PRKAG2: variants seen among roughly 807,000 people sequenced by gnomAD.
PRKAG2 encodes the protein 5'-AMP-activated protein kinase subunit gamma-2.
In PRKAG2, 26 loss-of-function variants were observed where a neutral mutation model predicts 69.6. The ratio of observed to expected loss-of-function variants is 0.37; its 90% CI spans 0.27 to 0.52. The LOEUF (loss-of-function observed/expected upper bound fraction) is 0.52, where lower values mean the gene tolerates loss of function less well. PRKAG2 is among the 20% of genes least tolerant of loss of function. PRKAG2 has a pLI of 0.90. For missense variants in PRKAG2, 557 were observed against 740.0 expected (o/e 0.75, Z 2.87); for synonymous variants, 293 against 285.0 (o/e 1.03, Z -0.28).
In PRKAG2 at chr7:151,782,042, C is replaced by T. The variant is rs558202555; in HGVS notation, c.187-611G>A. ...ATCCCAGCATTTTGGAAGGCCGAGG[C>T]GGGTGGATCAACTGAGGTCAGGAGT... On this transcript the variant is annotated intron_variant, in intron 2 of 15. Coordinates refer to ENST00000287878, the MANE Select transcript of PRKAG2 (RefSeq NM_016203.4). 9.9e-5 allele frequency among the ~76,000 whole-genome samples: 15 copies of T among 151,998 alleles called. No individual in the cohort carries two copies. In the East Asian group the frequency reaches 2.7e-3, roughly 27 times the overall value.
chr7:151,594,048 G>A (rs959932406), intron 6 of PRKAG2, among the ~76,000 whole-genome samples: 9 of 152,302 alleles, frequency 5.9e-5, no homozygotes, highest in African/African-American at 1.7e-4. Flanking sequence ...GGGTCCCTGG[G>A]GAGGTCTAAA....
intron 3 of PRKAG2, among the ~76,000 whole-genome samples, chr7:151,700,193 A>G (rs1450506551): frequency 6.6e-6 from 1 of 152,180 alleles, no homozygotes; most frequent in African/African-American, 2.4e-5. Flanking sequence ...CAGTGTTTTA[A>G]GTTGAGTGGC....
intron 4 of PRKAG2, among the ~76,000 whole-genome samples, chr7:151,666,310 C>A (rs897569381): frequency 6.6e-6 from 1 of 152,144 alleles, no homozygotes; most frequent in African/African-American, 2.4e-5. Flanking sequence ...TCCAATAGGA[C>A]TTGTGTCCTT....
chr7:151,711,030 AAGAGTGCTAGGCTTAGAGTACTG>A (rs1305543175), intron 3 of PRKAG2, among the ~76,000 whole-genome samples: 2 of 152,154 alleles, frequency 1.3e-5, no homozygotes, highest in Non-Finnish European at 1.5e-5. Context: ...TTAGAGTACT[AAGAGTGCTAGGCTTAGAGTACTG>A]AGAGTGCTAG....
chr7:151,658,363 T>C (rs1829808716), intron 4 of PRKAG2, among the ~76,000 whole-genome samples: 1 of 149,948 alleles, frequency 6.7e-6, no homozygotes, highest in African/African-American at 2.5e-5. Flanking sequence ...CGCGTGCCCG[T>C]AATCCCAGCT....
At chr7:151,818,095 G>A (rs1053194534) in intron 1 of PRKAG2, among the ~76,000 whole-genome samples, 2 of 152,192 alleles carry the variant, frequency 1.3e-5, no homozygotes, top group East Asian at 1.9e-4. Flanking sequence ...GTGCAGAAAT[G>A]GGATATTGTC....
At chr7:151,601,297 C>G (rs1005495158) in intron 5 of PRKAG2, among the ~76,000 whole-genome samples, 7 of 152,226 alleles carry the variant, frequency 4.6e-5, no homozygotes, top group Non-Finnish European at 1.0e-4. Flanking sequence ...CATTTTACTT[C>G]TGTCTCATCA....
chr7:151,581,762 A>G lies in PRKAG2; in HGVS notation c.865-5310T>C, dbSNP rs151124314. ...CCTCAGGCTTAAAAGAATGATACCAACAAAAGCAGGGGTTTAAGTTTAACA... is the reference window on the plus strand; with the variant it reads ...CCTCAGGCTTAAAAGAATGATACCAGCAAAAGCAGGGGTTTAAGTTTAACA... On this transcript the variant is annotated intron_variant, in intron 6 of 15. Transcript: ENST00000287878. Among the ~76,000 whole-genome samples the G allele has an allele frequency of 1.5e-3, 221 of 152,346 alleles. 1 individual carries two copies. Among genetic ancestry groups the G allele is most frequent in the African/African-American group, 5.2e-3 (216 of 41,578 alleles).
At chr7:151,582,957 C>A (rs1316212885) in intron 6 of PRKAG2, among the ~76,000 whole-genome samples, 1 of 152,202 alleles carries the variant, frequency 6.6e-6, no homozygotes, top group Non-Finnish European at 1.5e-5. Flanking sequence ...CACTAACAGC[C>A]AAGAAGAACA....
intron 1 of PRKAG2, among the ~76,000 whole-genome samples, chr7:151,796,271 GCT>G (rs1170737160): frequency 6.6e-6 from 1 of 152,092 alleles, no homozygotes; most frequent in Admixed American, 6.5e-5. Flanking sequence ...CCACACTGTG[GCT>G]CTCTGTCCAC....
rs1358749577 is a variant in PRKAG2, at chr7:151,632,526, A to C, written c.685-388T>G. ...TCCTCCCCGCCGTGCCGCCATTGGG[A>C]GAGGCCCGCGGCCCGCCCCCACTCC... On this transcript the variant is annotated intron_variant, in intron 4 of 15. Transcript: ENST00000287878. The surrounding 1 kb of genome is among the most constrained non-coding windows in gnomAD (Gnocchi z 4.2). 1.1e-6 allele frequency: 1 copy of C among 951,158 alleles called. No individual in the cohort carries two copies. Among genetic ancestry groups the C allele is most frequent in the Admixed American group, 6.2e-5 (1 of 16,020 alleles). The allele number at this position is 951,158 out of a possible 1,614,324, so 58.9% of individuals were successfully genotyped here. A position where few individuals can be genotyped will look rare whatever the true frequency, so the allele number is the denominator to read the frequency against.
chr7:151,834,392 A>G (rs571568340), intron 1 of PRKAG2, among the ~76,000 whole-genome samples: 2 of 152,372 alleles, frequency 1.3e-5, no homozygotes, highest in East Asian at 1.9e-4. Context: ...ACACTGAGTT[A>G]GCAAATGCTG....
At chr7:151,718,532 T>C (rs1796536727) in intron 3 of PRKAG2, among the ~76,000 whole-genome samples, 1 of 147,290 alleles carries the variant, frequency 6.8e-6, no homozygotes. Flanking sequence ...CCCCGCTCTG[T>C]AAGTCATGGT....
chr7:151,826,148 T>A (rs1233684359), intron 1 of PRKAG2, among the ~76,000 whole-genome samples: 1 of 151,428 alleles, frequency 6.6e-6, no homozygotes, highest in African/African-American at 2.4e-5. Context: ...TCTCTCTTTC[T>A]CCATCTCTCC....
At chr7:151,697,663 G>C (rs1200530835) in intron 3 of PRKAG2, among the ~76,000 whole-genome samples, 1 of 152,128 alleles carries the variant, frequency 6.6e-6, no homozygotes, top group Non-Finnish European at 1.5e-5. Flanking sequence ...CCTTAGCTGT[G>C]GGGGGCACAG....
Position 151,860,484 on chromosome 7 carries a change from G to A in PRKAG2, c.114+16023C>T, listed in dbSNP as rs138580240. Among the ~76,000 whole-genome samples the A allele has an allele frequency of 2.8e-4, 42 of 152,206 alleles. No homozygotes were observed. In the East Asian group the frequency reaches 6.0e-3, roughly 22 times the overall value. On this transcript the variant is annotated intron_variant, in intron 1 of 15. Transcript: ENST00000287878. ...TGCCATCTGTGGTGCCCAAGGCCTC[G>A]CCTGTGGAAGGGGGTGTGGGTTTCA... is the stretch of plus-strand genomic sequence containing the variant.
At chr7:151,675,380 G>A in intron 4 of PRKAG2, 40 bp downstream of exon 4, 1 of 1,583,300 alleles carries the variant, frequency 6.3e-7, no homozygotes, top group Admixed American at 1.7e-5. Flanking sequence ...CCCTCCCTCT[G>A]CCACCCGGCA....
At chr7:151,633,151 G>C (rs1825100835) in intron 4 of PRKAG2, 1 of 152,280 alleles carries the variant, frequency 6.6e-6, no homozygotes, top group Non-Finnish European at 1.5e-5. Context: ...AGCCGGGCCT[G>C]AAAGAGGAAG....
chr7:151,593,118 G>A (rs1363360285), intron 6 of PRKAG2, among the ~76,000 whole-genome samples: 1 of 152,178 alleles, frequency 6.6e-6, no homozygotes, highest in Non-Finnish European at 1.5e-5. Context: ...CTTTCTCTAG[G>A]GTTTAGCCAA....
Sources: allele counts gnomAD v4.1 joint callset (sites outside exome capture counted in the v4.1 genomes callset), GRCh38; gene constraint gnomAD v4.1.1; non-coding constraint Gnocchi (gnomAD v3.1); transcripts MANE v1.5; gene names NCBI Gene and HGNC (gene_info 2026-07-23, HGNC 2026-07-21).